Variants in EXT2 observed in about 807,000 individuals in gnomAD.
EXT2 encodes the protein exostosin glycosyltransferase 2, also known as exostosin-2.
Under a neutral mutation model 81.6 loss-of-function variants are expected in EXT2, and 53 were observed. That is an observed-to-expected ratio of 0.65 (90% confidence interval 0.52 to 0.82). The LOEUF (loss-of-function observed/expected upper bound fraction) is 0.82, where lower values mean the gene tolerates loss of function less well. Among genes scored for constraint, EXT2 ranks in the 40% least tolerant of loss-of-function variants. The pLI is 0.00. For synonymous variants in EXT2, 320 were observed against 340.0 expected (o/e 0.94, Z 0.65); for missense variants, 774 against 910.2 (o/e 0.85, Z 1.93).
At chr11:44,178,817 T>A (rs1955195147) in intron 8 of EXT2, among the ~76,000 whole-genome samples, 1 of 152,000 alleles carries the variant, frequency 6.6e-6, no homozygotes, top group South Asian at 2.1e-4. Flanking sequence ...AAAAAATGTA[T>A]GGAATTTAGA....
At chr11:44,234,074 T>A in intron 11 of EXT2, 41 bp from the exon 12 acceptor site, 1 of 1,613,624 alleles carries the variant, frequency 6.2e-7, no homozygotes, top group Non-Finnish European at 8.5e-7. Context: ...TAAAGGGAAC[T>A]GCTATTTTTG....
Position 44,236,283 on chromosome 11 carries a change from C to T in EXT2, c.1936-10C>T, listed in dbSNP as rs758966527. On this transcript the variant is annotated splice_polypyrimidine_tract_variant and intron_variant, in intron 12 of 13. Coordinates refer to ENST00000533608, the MANE Select transcript of EXT2 (RefSeq NM_207122.2). ...TGACAGCCAGGTATGTTTTTGTCCT[C>T]CTCTGGCAGGTAACCCCACGAAAGA... 26 of 1,613,484 alleles carry T rather than the reference C, an allele frequency of 1.6e-5. No homozygotes were observed. Among genetic ancestry groups the T allele is most frequent in the Non-Finnish European group, 2.2e-5 (26 of 1,179,606 alleles).
chr11:44,149,325 G>A (rs993844861), intron 7 of EXT2, among the ~76,000 whole-genome samples: 1 of 152,210 alleles, frequency 6.6e-6, no homozygotes, highest in African/African-American at 2.4e-5. Context: ...TCATGCCACT[G>A]CACTTCAGGC....
intron 10 of EXT2, among the ~76,000 whole-genome samples, chr11:44,213,882 C>A (rs575307053): frequency 1.3e-5 from 2 of 152,114 alleles, no homozygotes; most frequent in South Asian, 4.1e-4. Context: ...GAAGCTGAAC[C>A]AACCACCAAC....
At chr11:44,137,605 T>C (rs1481140473) in intron 7 of EXT2, among the ~76,000 whole-genome samples, 2 of 152,154 alleles carry the variant, frequency 1.3e-5, no homozygotes, top group Non-Finnish European at 2.9e-5. Flanking sequence ...AAAGCTACTT[T>C]CCCTGGTAGC....
At chr11:44,138,995 G>A (rs1954608402) in intron 7 of EXT2, among the ~76,000 whole-genome samples, 1 of 152,110 alleles carries the variant, frequency 6.6e-6, no homozygotes, top group Non-Finnish European at 1.5e-5. Flanking sequence ...ACCACAGTAA[G>A]TTACAACTAC....
intron 9 of EXT2, chr11:44,198,245 A>G: frequency 1.7e-6 from 1 of 578,030 alleles, no homozygotes; most frequent in Non-Finnish European, 3.1e-6. Flanking sequence ...AGGAATCAAC[A>G]GGATCAAAGG....
intron 8 of EXT2, among the ~76,000 whole-genome samples, chr11:44,178,664 G>T (rs573301689): frequency 6.6e-6 from 1 of 152,274 alleles, no homozygotes; most frequent in Admixed American, 6.5e-5. Flanking sequence ...AAGATACCAG[G>T]TTAACAGTCT....
chr11:44,202,769 G>A (rs1955536823), intron 9 of EXT2, among the ~76,000 whole-genome samples: 1 of 152,204 alleles, frequency 6.6e-6, no homozygotes, highest in Non-Finnish European at 1.5e-5. Flanking sequence ...TCAAGATGGT[G>A]TCATTGTTAT....
At chr11:44,120,013 A>C (rs572823437) in intron 4 of EXT2, among the ~76,000 whole-genome samples, 1 of 152,338 alleles carries the variant, frequency 6.6e-6, no homozygotes, top group East Asian at 1.9e-4. Flanking sequence ...TAGGACTCTT[A>C]ATCCCCTTCA....
At chr11:44,123,439 A>G (rs1954348056) in intron 4 of EXT2, among the ~76,000 whole-genome samples, 1 of 152,158 alleles carries the variant, frequency 6.6e-6, no homozygotes, top group Non-Finnish European at 1.5e-5. Flanking sequence ...TTCTAGGCTT[A>G]ATGAGTGTTT....
chr11:44,122,747 C>A (rs1299428871), intron 4 of EXT2, among the ~76,000 whole-genome samples: 1 of 152,180 alleles, frequency 6.6e-6, no homozygotes. Flanking sequence ...CTCTCACCTA[C>A]CTTGTGGCGT....
chr11:44,184,555 T>A (rs1167472567), intron 8 of EXT2, among the ~76,000 whole-genome samples: 1 of 151,968 alleles, frequency 6.6e-6, no homozygotes, highest in Non-Finnish European at 1.5e-5. Flanking sequence ...ATGGAGACCA[T>A]CCTGGCTAAC....
At chr11:44,175,933 A>T (rs1955151888) in intron 8 of EXT2, among the ~76,000 whole-genome samples, 1 of 152,140 alleles carries the variant, frequency 6.6e-6, no homozygotes, top group Non-Finnish European at 1.5e-5. Context: ...TAACCCAATG[A>T]CTTATCTAAG....
intron 7 of EXT2, among the ~76,000 whole-genome samples, chr11:44,146,531 G>A (rs753488753): frequency 5.9e-5 from 9 of 152,146 alleles, no homozygotes; most frequent in South Asian, 2.1e-4. Flanking sequence ...GAAGAGGGGC[G>A]CTTTCACTAC....
In EXT2 at chr11:44,232,479, G is replaced by A. The variant is rs1436423139; in HGVS notation, c.1789G>A (p.Ala597Thr). ...TGAAGTGTCCATGGTGCTCACTGGG[G>A]CAGCTTTTTATCACAAGGTAAGGGG... ...TNEVSMVLTGAAFYHKYFNYL... is the reference protein window; with the variant it reads ...TNEVSMVLTGTAFYHKYFNYL... Residue 597 changes from alanine to threonine, a missense_variant, in exon 11 of 14, where the codon GCA becomes ACA. By Grantham distance (58) the Ala-to-Thr change is moderately conservative. Transcript: ENST00000533608. The A allele has an allele frequency of 6.2e-7, 1 of 1,613,952 alleles. No homozygotes were observed. Among genetic ancestry groups the A allele is most frequent in the Non-Finnish European group, 8.5e-7 (1 of 1,179,910 alleles).
intron 10 of EXT2, among the ~76,000 whole-genome samples, chr11:44,228,036 G>T (rs919409366): frequency 3.3e-5 from 5 of 152,184 alleles, no homozygotes; most frequent in African/African-American, 1.2e-4. Flanking sequence ...TTCTTACATT[G>T]TTACAATCCC....
At chr11:44,119,049 CA>C (rs1397778151) in intron 4 of EXT2, among the ~76,000 whole-genome samples, 3 of 144,594 alleles carry the variant, frequency 2.1e-5, no homozygotes, top group Non-Finnish European at 4.5e-5. Flanking sequence ...CTGTTTGGAC[CA>C]AGTATTGGGC....
At chr11:44,117,515 A>G (rs748708736) in intron 4 of EXT2, among the ~76,000 whole-genome samples, 16 of 152,152 alleles carry the variant, frequency 1.1e-4, no homozygotes, top group Non-Finnish European at 1.9e-4. Flanking sequence ...GTCCAACTTC[A>G]TTCTTTTGCT....
Sources: allele counts gnomAD v4.1 joint callset (sites outside exome capture counted in the v4.1 genomes callset), GRCh38; gene constraint gnomAD v4.1.1; transcripts MANE v1.5; gene names NCBI Gene and HGNC (gene_info 2026-07-23, HGNC 2026-07-21).